Variants in NEXN observed in about 807,000 individuals in gnomAD.
The protein encoded by NEXN is nexilin F-actin binding protein, also known as nexilin.
A neutral mutation model predicts 92.6 loss-of-function variants in NEXN; 65 were observed. That is an observed-to-expected ratio of 0.70 (90% CI 0.57 to 0.86). The LOEUF is 0.86. Ranked by LOEUF, NEXN falls within the 40% of genes least tolerant of loss-of-function variation. NEXN has a pLI of 0.00. For missense variants in NEXN, 778 were observed against 771.1 expected (o/e 1.01, Z -0.11); for synonymous variants, 254 against 242.5 (o/e 1.05, Z -0.44).
intron 11 of NEXN, among the ~76,000 whole-genome samples, chr1:77,939,409 G>A (rs1175928465): frequency 6.6e-6 from 1 of 152,222 alleles, no homozygotes; most frequent in Non-Finnish European, 1.5e-5. Flanking sequence ...AAAGTTAATT[G>A]TTGAAAGTGA....
intron 1 of NEXN, among the ~76,000 whole-genome samples, chr1:77,909,332 A>G (rs527942118): frequency 7.4e-4 from 112 of 152,312 alleles, no homozygotes; most frequent in African/African-American, 2.5e-3. Context: ...AGGCAGAAGA[A>G]TCGCTTGAAC....
rs1041716228 is a variant in NEXN, at chr1:77,913,297, C to T, written c.-52-2758C>T. Among the ~76,000 whole-genome samples, 4 of 152,122 alleles carry T rather than the reference C, an allele frequency of 2.6e-5. No homozygotes were observed. In the South Asian group the frequency reaches 8.3e-4, roughly 32 times the overall value. On this transcript the variant is annotated intron_variant, in intron 1 of 12. Coordinates refer to ENST00000334785, the MANE Select transcript of NEXN (RefSeq NM_144573.4). Reference sequence around the variant, plus strand: ...GGGTGTGGTGGCAGGTGCCTGTAGTCCCAGCTGCTCGGGAGGCTGAGACAG... The same window carrying T: ...GGGTGTGGTGGCAGGTGCCTGTAGTTCCAGCTGCTCGGGAGGCTGAGACAG...
At chr1:77,940,709 TTTTAAA>T (rs1164259319) in intron 11 of NEXN, among the ~76,000 whole-genome samples, 15 of 152,174 alleles carry the variant, frequency 9.9e-5, no homozygotes, top group African/African-American at 3.6e-4. Flanking sequence ...AAGAGGTCCT[TTTTAAA>T]TTTAAGTCTC....
At chr1:77,901,936 G>A (rs913526698) in intron 1 of NEXN, among the ~76,000 whole-genome samples, 1 of 152,068 alleles carries the variant, frequency 6.6e-6, no homozygotes, top group Admixed American at 6.6e-5. Context: ...ACTTTCAGAT[G>A]TTACCTAAAT....
In NEXN at chr1:77,918,171, G is replaced by T. The variant is rs755584968; in HGVS notation, c.345G>T (p.Glu115Asp). Reference sequence around the variant, plus strand: ...CTGAAATGGAGAAACAAAGACAAGAGGAACAAAGGAAGAGAACGGAGGAGG... The same window carrying T: ...CTGAAATGGAGAAACAAAGACAAGATGAACAAAGGAAGAGAACGGAGGAGG... ...RFAEMEKQRQ[E>D]EQRKRTEEER... Residue 115 changes from glutamate (E) to aspartate (D), a missense_variant, in exon 5 of 13, where the codon GAG (glutamate) becomes GAT (aspartate). Physicochemically the swap from Glu to Asp is conservative, Grantham distance 45. Coordinates refer to ENST00000334785, the MANE Select transcript of NEXN (RefSeq NM_144573.4). 4.3e-6 allele frequency: 7 copies of T among 1,613,894 alleles called. No homozygotes were observed. In the Admixed American group the frequency reaches 1.2e-4, roughly 27 times the overall value.
At chr1:77,901,572 T>C (rs1486625609) in intron 1 of NEXN, among the ~76,000 whole-genome samples, 3 of 152,156 alleles carry the variant, frequency 2.0e-5, no homozygotes, top group African/African-American at 7.2e-5. Flanking sequence ...TCAATGGACT[T>C]GCCGGGGATC....
chr1:77,937,226 C>A (rs1024763727), intron 11 of NEXN, among the ~76,000 whole-genome samples: 3 of 151,932 alleles, frequency 2.0e-5, no homozygotes, highest in Non-Finnish European at 4.4e-5. Flanking sequence ...ACTGATTGAG[C>A]CTGGGTGGTT....
intron 1 of NEXN, among the ~76,000 whole-genome samples, chr1:77,907,574 T>C (rs1407235358): frequency 6.6e-6 from 1 of 152,210 alleles, no homozygotes; most frequent in Non-Finnish European, 1.5e-5. Flanking sequence ...CTAGTGCTGT[T>C]CAAATTTTCA....
chr1:77,899,590 A>G (rs1647523621), intron 1 of NEXN, among the ~76,000 whole-genome samples: 1 of 152,122 alleles, frequency 6.6e-6, no homozygotes, highest in Non-Finnish European at 1.5e-5. Context: ...GCACACCAAC[A>G]TGGCACATGT....
chr1:77,905,205 T>G (rs182411633), intron 1 of NEXN, among the ~76,000 whole-genome samples: 8 of 151,404 alleles, frequency 5.3e-5, no homozygotes, highest in Admixed American at 5.3e-4. Context: ...GAGGTTGCAG[T>G]GAGCAGAGAT....
In NEXN at chr1:77,942,922, C is replaced by T; in HGVS notation, c.*93C>T. On this transcript the variant is annotated 3_prime_UTR_variant, in exon 13 of 13. Coordinates refer to ENST00000334785, the MANE Select transcript of NEXN (RefSeq NM_144573.4). ...TAGCTGATGACTACTAGCTCCCCTC[C>T]CCTCTCCCTGGAACTTTCTCTTTCA... 6.8e-7 allele frequency: 1 copy of T among 1,478,324 alleles called. No homozygotes were observed. 91.6% of individuals were successfully genotyped at this position (1,478,324 alleles called of 1,614,324 possible).
At chr1:77,928,905 C>T (rs1650072527) in intron 8 of NEXN, among the ~76,000 whole-genome samples, 1 of 152,182 alleles carries the variant, frequency 6.6e-6, no homozygotes, top group Non-Finnish European at 1.5e-5. Context: ...CACCACCACA[C>T]TGGCTATAAT....
intron 9 of NEXN, 74 bp downstream of exon 9, chr1:77,929,578 T>C (rs1335424137): frequency 6.4e-7 from 1 of 1,573,704 alleles, no homozygotes; most frequent in African/African-American, 1.4e-5. Context: ...CATTAGACTT[T>C]AGAGAATACC....
intron 1 of NEXN, among the ~76,000 whole-genome samples, chr1:77,902,794 C>T (rs571360206): frequency 6.6e-6 from 1 of 152,124 alleles, no homozygotes; most frequent in South Asian, 2.1e-4. Flanking sequence ...GCCAGATACA[C>T]CTAGAAATCT....
intron 9 of NEXN, among the ~76,000 whole-genome samples, chr1:77,932,764 T>TA (rs1345528651): frequency 6.6e-6 from 1 of 152,248 alleles, no homozygotes; most frequent in Non-Finnish European, 1.5e-5. Context: ...ACCTCGGTCT[T>TA]ACATTTTCTA....
At chr1:77,904,224 C>G (rs567968285) in intron 1 of NEXN, among the ~76,000 whole-genome samples, 334 of 152,212 alleles carry the variant, frequency 2.2e-3, no homozygotes, top group Admixed American at 3.7e-3. Context: ...AACTCCTGAC[C>G]TCAAGTGATC....
At chr1:77,930,734 C>G (rs1650219945) in intron 9 of NEXN, among the ~76,000 whole-genome samples, 2 of 152,198 alleles carry the variant, frequency 1.3e-5, no homozygotes, top group Admixed American at 6.5e-5. Context: ...AAAGATGTCC[C>G]TCACTCCTTT....
chr1:77,942,356 G>GT, intron 12 of NEXN, 105 bp from the exon 13 acceptor site: 1 of 1,385,392 alleles, frequency 7.2e-7, no homozygotes. Flanking sequence ...AGGCACACTT[G>GT]TATGTTCTTT....
At chr1:77,916,255 T>C (rs943441022) in intron 2 of NEXN, 122 bp downstream of exon 2, 7 of 588,020 alleles carry the variant, frequency 1.2e-5, no homozygotes, top group Non-Finnish European at 1.2e-5. Flanking sequence ...AATAACATAA[T>C]GGCAAGATGT....
Sources: allele counts gnomAD v4.1 joint callset (sites outside exome capture counted in the v4.1 genomes callset), GRCh38; gene constraint gnomAD v4.1.1; transcripts MANE v1.5; gene names NCBI Gene and HGNC (gene_info 2026-07-23, HGNC 2026-07-21).